Variants in NPFFR2 observed in about 807,000 individuals in gnomAD.
NPFFR2 encodes G-protein coupled receptor 74.
In NPFFR2, 15 loss-of-function variants were observed where a neutral mutation model predicts 13.1. The observed-to-expected ratio is 1.15, with a 90% CI of 0.77 to 1.76. The LOEUF (loss-of-function observed/expected upper bound fraction) is 1.76. NPFFR2 is among the 40% of genes most tolerant of loss of function. The pLI, the probability that NPFFR2 is intolerant of heterozygous loss-of-function variation, is 0.00. For synonymous variants in NPFFR2, 190 were observed against 175.7 expected (o/e 1.08, Z -0.65); for missense variants, 572 against 503.5 (o/e 1.14, Z -1.30).
chr4:72,114,318 G>A (rs369965895), intron 1 of NPFFR2, among the ~76,000 whole-genome samples: 5 of 152,136 alleles, frequency 3.3e-5, no homozygotes, highest in African/African-American at 9.6e-5. Flanking sequence ...CCAGGGGCAA[G>A]TAATCACCAT....
chr4:72,032,234 C>T lies in NPFFR2; in HGVS notation c.-8+34C>T, dbSNP rs549796287. 6.3e-4 allele frequency: 975 copies of T among 1,552,122 alleles called. 12 individuals carry two copies. The South Asian group carries it at 0.012, about 18-fold the overall frequency. ...ATGGGCCAGTTTGTCTGGGGGCCCC[C>T]GCTTGGGGGCGCGACCCCTCTCTAA... On this transcript the variant is annotated intron_variant, in intron 1 of 3. Coordinates refer to ENST00000308744, the MANE Select transcript of NPFFR2 (RefSeq NM_004885.3).
At chr4:72,065,250 A>AG (rs1295980568) in intron 1 of NPFFR2, among the ~76,000 whole-genome samples, 2 of 152,202 alleles carry the variant, frequency 1.3e-5, no homozygotes, top group East Asian at 3.8e-4. Context: ...ATTAACATTG[A>AG]GAACTGAATC....
At chr4:72,063,362 TTGC>T (rs1489777344) in intron 1 of NPFFR2, among the ~76,000 whole-genome samples, 2 of 152,212 alleles carry the variant, frequency 1.3e-5, no homozygotes, top group Non-Finnish European at 2.9e-5. Flanking sequence ...CTACACTAAC[TTGC>T]TGCCTACGTC....
At position 72,085,317 on chromosome 4, in the gene NPFFR2, C is replaced by A. The variant is rs7675195; in HGVS notation, c.-7-43268C>A. ...GTGTCAAAATCCTGTGAAATCTGAG[C>A]AATCTTCAGCTGTGAAGGACAAGGG... is the stretch of plus-strand genomic sequence containing the variant. On this transcript the variant is annotated intron_variant, in intron 1 of 3. Transcript: ENST00000308744. 0.028 allele frequency among the ~76,000 whole-genome samples: 4,241 copies of A among 152,178 alleles called. 289 individuals are homozygous for A. In the East Asian group the frequency reaches 0.31, roughly 11 times the overall value.
chr4:72,032,334 A>C, intron 1 of NPFFR2, 134 bp downstream of exon 1: 3 of 987,328 alleles, frequency 3.0e-6, no homozygotes, highest in Non-Finnish European at 2.9e-6. Context: ...TCCCTTCCTA[A>C]TTACACAGGC....
At chr4:72,127,220 C>T (rs1167410206) in intron 1 of NPFFR2, among the ~76,000 whole-genome samples, 6 of 119,296 alleles carry the variant, frequency 5.0e-5, no homozygotes, top group Non-Finnish European at 8.2e-5. Flanking sequence ...GGGAGAATGG[C>T]GTGAACCCGG....
intron 1 of NPFFR2, among the ~76,000 whole-genome samples, chr4:72,116,834 G>C (rs1467702423): frequency 6.6e-6 from 1 of 151,980 alleles, no homozygotes; most frequent in Non-Finnish European, 1.5e-5. Context: ...TCTTTTGTTT[G>C]TGTTGTATCT....
At chr4:72,088,303 ATTC>A (rs1373376126) in intron 1 of NPFFR2, among the ~76,000 whole-genome samples, 13 of 152,046 alleles carry the variant, frequency 8.6e-5, no homozygotes, top group African/African-American at 3.1e-4. Flanking sequence ...TTTCTACCAC[ATTC>A]TTCTTTTCTT....
At chr4:72,132,810 T>C (rs895529447) in intron 2 of NPFFR2, among the ~76,000 whole-genome samples, 3 of 152,236 alleles carry the variant, frequency 2.0e-5, no homozygotes, top group African/African-American at 4.8e-5. Context: ...TTGAAAAATA[T>C]CTGTTCATGT....
intron 1 of NPFFR2, among the ~76,000 whole-genome samples, chr4:72,056,203 G>A (rs147417279): frequency 6.6e-6 from 1 of 152,102 alleles, no homozygotes; most frequent in Non-Finnish European, 1.5e-5. Context: ...AGGACAGCCT[G>A]ATAAGGCAGC....
At chr4:72,127,275 G>A (rs111290400) in intron 1 of NPFFR2, among the ~76,000 whole-genome samples, 4,249 of 86,970 alleles carry the variant, frequency 0.049, 401 homozygotes, top group African/African-American at 0.19. Flanking sequence ...CTGCACTCCA[G>A]CCTGGGTGAC....
intron 1 of NPFFR2, among the ~76,000 whole-genome samples, chr4:72,123,423 G>A (rs769896310): frequency 1.3e-4 from 20 of 152,192 alleles, no homozygotes; most frequent in Non-Finnish European, 2.4e-4. Context: ...AATGAGGCCA[G>A]CATCATCAGG....
At chr4:72,079,022 A>G (rs1013427260) in intron 1 of NPFFR2, among the ~76,000 whole-genome samples, 1 of 151,012 alleles carries the variant, frequency 6.6e-6, no homozygotes, top group Non-Finnish European at 1.5e-5. Context: ...TGGTCAAAGA[A>G]TCTACATGTG....
intron 1 of NPFFR2, among the ~76,000 whole-genome samples, chr4:72,076,683 A>G (rs10000899): frequency 0.89 from 135,791 of 151,932 alleles, 61,721 homozygotes; most frequent in Non-Finnish European, 0.98. Flanking sequence ...ATTAAGAGTG[A>G]CTGCTAGAGC....
Position 72,128,575 on chromosome 4 carries a change from C to G in NPFFR2, c.-7-10C>G. On this transcript the variant is annotated splice_polypyrimidine_tract_variant and intron_variant, in intron 1 of 3. Coordinates refer to ENST00000308744, the MANE Select transcript of NPFFR2 (RefSeq NM_004885.3). ...ATTATGTTTTTCTTTTCTGTCTCTT[C>G]TTTATTAAGGTTCATCATGAATGAG... The G allele has an allele frequency of 1.9e-6, 3 of 1,542,386 alleles. No individual in the cohort carries two copies. Among genetic ancestry groups the G allele is most frequent in the Non-Finnish European group, 2.6e-6 (3 of 1,134,866 alleles).
intron 2 of NPFFR2, 71 bp downstream of exon 2, chr4:72,128,990 G>A (rs1395122021): frequency 7.6e-6 from 9 of 1,179,190 alleles, no homozygotes; most frequent in South Asian, 3.0e-5. Context: ...CCATTGGCAG[G>A]GCTGTTCATT....
chr4:72,124,621 A>C (rs188752306), intron 1 of NPFFR2, among the ~76,000 whole-genome samples: 1 of 152,176 alleles, frequency 6.6e-6, no homozygotes, highest in African/African-American at 2.4e-5. Context: ...ATAATGCCAC[A>C]TATCTACAAC....
At chr4:72,035,163 T>C (rs770523653) in intron 1 of NPFFR2, among the ~76,000 whole-genome samples, 22 of 152,272 alleles carry the variant, frequency 1.4e-4, no homozygotes, top group Non-Finnish European at 2.9e-4. Flanking sequence ...GCTTCTGCCC[T>C]TAGGCAAGGC....
chr4:72,126,304 TG>T (rs1482389022), intron 1 of NPFFR2, among the ~76,000 whole-genome samples: 1 of 152,246 alleles, frequency 6.6e-6, no homozygotes, highest in East Asian at 1.9e-4. Context: ...TTCAAATTTT[TG>T]TCCACTGCTT....
Sources: allele counts gnomAD v4.1 joint callset (sites outside exome capture counted in the v4.1 genomes callset), GRCh38; gene constraint gnomAD v4.1.1; transcripts MANE v1.5; gene names NCBI Gene and HGNC (gene_info 2026-07-23, HGNC 2026-07-21).